FAXDC2: variants seen among roughly 807,000 people sequenced by gnomAD.
FAXDC2 encodes fatty acid hydroxylase domain containing 2, also known as fatty acid hydroxylase domain-containing protein 2.
In FAXDC2, 41 loss-of-function variants were observed where a neutral mutation model predicts 40.9. That is an observed-to-expected ratio of 1.00 (90% CI 0.78 to 1.30). FAXDC2 has a LOEUF of 1.30. FAXDC2 is among the 50% of genes most tolerant of loss of function. The probability of loss-of-function intolerance (pLI) is 0.00; values close to 1 mark genes in which losing one functional copy is unlikely to be tolerated. For missense variants in FAXDC2, 390 were observed against 408.8 expected, an observed-to-expected ratio of 0.95 and a Z score of 0.40; for synonymous variants, 157 against 149.3, an observed-to-expected ratio of 1.05 and a Z score of -0.38.
intron 1 of FAXDC2, among the ~76,000 whole-genome samples, chr5:154,848,135 G>C (rs984330697): frequency 2.0e-5 from 3 of 152,150 alleles, no homozygotes; most frequent in Non-Finnish European, 2.9e-5. Context: ...CACCATGCCC[G>C]GCCTACTGAA....
At chr5:154,825,901 G>A (rs563236870) in intron 5 of FAXDC2, among the ~76,000 whole-genome samples, 1 of 152,204 alleles carries the variant, frequency 6.6e-6, no homozygotes, top group South Asian at 2.1e-4. Context: ...AGATTGGGGA[G>A]GTTGTGGGTA....
chr5:154,825,650 C>CAAAAAGAAAAAAAAAAAAA (rs1760010735), intron 5 of FAXDC2, among the ~76,000 whole-genome samples: 1 of 30,150 alleles, frequency 3.3e-5, no homozygotes, highest in African/African-American at 1.6e-4. Flanking sequence ...GACTCCGTCT[C>CAAAAAGAAAAAAAAAAAAA]AAAAAAAAAA....
rs10674936 is a variant in FAXDC2, at chr5:154,846,269, A to AGTGTGT, written c.-1+4208_-1+4213dup. ...ATTAGCCATGAATAGTGAACTAGAT[A>AGTGTGT]GTGTGTGTGTGTGTGTGTGTGTGTG... On this transcript the variant is annotated intron_variant, in intron 1 of 8. Coordinates refer to ENST00000326080, the MANE Select transcript of FAXDC2 (RefSeq NM_032385.5). Among the ~76,000 whole-genome samples the AGTGTGT allele has an allele frequency of 9.2e-3, 1,352 of 147,438 alleles. 18 individuals carry two copies. The highest frequency in any genetic ancestry group is 0.027 in the African/African-American group (1,102 of 40,118).
At chr5:154,822,283 G>C in intron 7 of FAXDC2, 189 bp downstream of exon 7, 1 of 575,862 alleles carries the variant, frequency 1.7e-6, no homozygotes, top group East Asian at 2.8e-5. Context: ...AAGTTGTTGG[G>C]ATGATTAAAT....
Position 154,823,567 on chromosome 5 carries a change from G to C in FAXDC2, c.392C>G (p.Ser131Cys). ...EPVDPVKLRQ[S>C]IRTVLFNQCM... is the part of the protein sequence containing the mutation. ...CTGGTTGAAAAGAACTGTGCGGATA[G>C]ACTGGCGCAGTTTCACAGGATCCAC... The change falls in exon 6 of 9, where the codon TCT (serine) becomes TGT (cysteine). Residue 131 changes from serine (S) to cysteine (C), a missense_variant. Ser to Cys is a moderately radical substitution (Grantham distance 112, BLOSUM62 -1). Coordinates refer to ENST00000326080, the MANE Select transcript of FAXDC2 (RefSeq NM_032385.5). 6.2e-7 allele frequency: 1 copy of C among 1,614,170 alleles called. No homozygotes were observed. The highest frequency in any genetic ancestry group is 8.5e-7 in the Non-Finnish European group (1 of 1,180,008).
chr5:154,846,631 C>A (rs1312910634), intron 1 of FAXDC2, among the ~76,000 whole-genome samples: 1 of 151,792 alleles, frequency 6.6e-6, no homozygotes, highest in Admixed American at 6.6e-5. Context: ...GTGATGTTCC[C>A]ACCTCAGCCT....
chr5:154,848,659 G>A (rs774813073), intron 1 of FAXDC2, among the ~76,000 whole-genome samples: 3 of 152,094 alleles, frequency 2.0e-5, no homozygotes, highest in Admixed American at 6.6e-5. Flanking sequence ...TAGAGTGGCC[G>A]ATATTCATTT....
chr5:154,834,186 A>G (rs1463233587), intron 4 of FAXDC2, among the ~76,000 whole-genome samples: 6 of 151,958 alleles, frequency 3.9e-5, no homozygotes, highest in African/African-American at 1.4e-4. Context: ...TTTTCCTTCC[A>G]TCTATTTACT....
intron 2 of FAXDC2, among the ~76,000 whole-genome samples, chr5:154,835,831 T>C (rs1226281437): frequency 6.9e-6 from 1 of 144,042 alleles, no homozygotes; most frequent in Non-Finnish European, 1.5e-5. Flanking sequence ...TCTGCCCGCC[T>C]CAGCCTCCCT....
intron 5 of FAXDC2, chr5:154,824,458 G>T (rs1355004096): frequency 8.5e-6 from 6 of 702,286 alleles, no homozygotes; most frequent in African/African-American, 3.5e-5. Flanking sequence ...CTTGAGGCCT[G>T]CCTCTTCCTC....
At chr5:154,846,764 T>G (rs920076099) in intron 1 of FAXDC2, among the ~76,000 whole-genome samples, 1 of 151,914 alleles carries the variant, frequency 6.6e-6, no homozygotes, top group African/African-American at 2.4e-5. Flanking sequence ...TTATCCAAAT[T>G]TTATTTATTT....
chr5:154,829,845 C>T lies in FAXDC2; in HGVS notation c.366+956G>A, dbSNP rs374273736. On this transcript the variant is annotated intron_variant, in intron 5 of 8. Coordinates refer to ENST00000326080, the MANE Select transcript of FAXDC2 (RefSeq NM_032385.5). Reference sequence around the variant, plus strand: ...CTCAAGGACCAAGCACAGGGTTTGACACTTTAGGCTCTGATTCATGTCCTG... The same window carrying T: ...CTCAAGGACCAAGCACAGGGTTTGATACTTTAGGCTCTGATTCATGTCCTG... Among the ~76,000 whole-genome samples the T allele has an allele frequency of 1.6e-4, 25 of 152,324 alleles. No individual in the cohort carries two copies. In the East Asian group the frequency reaches 3.1e-3, roughly 19 times the overall value.
In FAXDC2 at chr5:154,827,884, C is replaced by G. The variant is rs148910695; in HGVS notation, c.366+2917G>C. On this transcript the variant is annotated intron_variant, in intron 5 of 8. Coordinates refer to ENST00000326080, the MANE Select transcript of FAXDC2 (RefSeq NM_032385.5). Reference sequence around the variant, plus strand: ...CTTCTTTTTGAGTCAGTGTCTCACTCTGTCACTCAGGCTAGAGTGTAGTGG... The same window carrying G: ...CTTCTTTTTGAGTCAGTGTCTCACTGTGTCACTCAGGCTAGAGTGTAGTGG... Among the ~76,000 whole-genome samples, 893 of 151,438 alleles carry G rather than the reference C, an allele frequency of 5.9e-3. 2 individuals are homozygous for G. The highest frequency in any genetic ancestry group is 9.5e-3 in the Non-Finnish European group (643 of 67,888).
chr5:154,843,987 G>A (rs1418222676), intron 1 of FAXDC2, among the ~76,000 whole-genome samples: 1 of 152,162 alleles, frequency 6.6e-6, no homozygotes, highest in East Asian at 1.9e-4. Context: ...GGGAGGCTGA[G>A]GTGGGTGGAT....
chr5:154,824,734 C>A, intron 5 of FAXDC2: 1 of 578,086 alleles, frequency 1.7e-6, no homozygotes, highest in Non-Finnish European at 3.1e-6. Context: ...AACAAAGATT[C>A]CTGCCCCCAT....
intron 5 of FAXDC2, among the ~76,000 whole-genome samples, chr5:154,826,357 G>A (rs1429690176): frequency 2.6e-5 from 4 of 151,732 alleles, no homozygotes; most frequent in South Asian, 2.1e-4. Context: ...GTGAAACCCC[G>A]TCTCTACTAA....
chr5:154,825,382 G>C (rs541084142), intron 5 of FAXDC2, among the ~76,000 whole-genome samples: 1 of 148,490 alleles, frequency 6.7e-6, no homozygotes, highest in Non-Finnish European at 1.5e-5. Flanking sequence ...AAGGCAGGCC[G>C]GTGCTGTGGC....
chr5:154,825,979 T>C (rs1192384056), intron 5 of FAXDC2, among the ~76,000 whole-genome samples: 1 of 152,152 alleles, frequency 6.6e-6, no homozygotes, highest in Non-Finnish European at 1.5e-5. Flanking sequence ...CAATTTCTAT[T>C]AGTATCCACG....
At chr5:154,831,539 T>C (rs1335967884) in intron 4 of FAXDC2, among the ~76,000 whole-genome samples, 12 of 151,950 alleles carry the variant, frequency 7.9e-5, no homozygotes, top group Admixed American at 7.9e-4. Flanking sequence ...AGCCTCGACC[T>C]GCCAAGCCGA....
Sources: allele counts gnomAD v4.1 joint callset (sites outside exome capture counted in the v4.1 genomes callset), GRCh38; gene constraint gnomAD v4.1.1; transcripts MANE v1.5; gene names NCBI Gene and HGNC (gene_info 2026-07-23, HGNC 2026-07-21).